Variants in PRKG1 observed in about 807,000 individuals in gnomAD.
The protein encoded by PRKG1 is protein kinase cGMP-dependent 1.
A neutral mutation model predicts 88.1 loss-of-function variants in PRKG1; 35 were observed. That is an observed-to-expected ratio of 0.40 (90% confidence interval 0.30 to 0.53). The LOEUF is 0.53. PRKG1 is among the 20% of genes least tolerant of loss of function. PRKG1 has a pLI of 0.59. For synonymous variants in PRKG1, 303 were observed against 292.5 expected, an observed-to-expected ratio of 1.04 and a Z score of -0.37; for missense variants, 540 against 839.8, an observed-to-expected ratio of 0.64 and a Z score of 4.41.
At chr10:51,034,476 C>A (rs1454091214) in intron 1 of PRKG1, among the ~76,000 whole-genome samples, 10 of 151,564 alleles carry the variant, frequency 6.6e-5, no homozygotes, top group African/African-American at 2.2e-4. Context: ...TTAATTTTTA[C>A]AGTCTTTCAA....
At chr10:51,219,779 G>A (rs1266521108) in intron 2 of PRKG1, among the ~76,000 whole-genome samples, 2 of 152,010 alleles carry the variant, frequency 1.3e-5, no homozygotes, top group Non-Finnish European at 2.9e-5. Context: ...CAAATAGAGA[G>A]GAAGTGAAGG....
chr10:52,294,150 T>A lies in PRKG1; in HGVS notation c.*250T>A. On this transcript the variant is annotated 3_prime_UTR_variant, in exon 18 of 18. Transcript: ENST00000373980. ...GTCCTGAAGCAAAGCCTTTCACCAGTAAAAGATGTTTTCTATTGTTGCAAT... is the reference window on the plus strand; with the variant it reads ...GTCCTGAAGCAAAGCCTTTCACCAGAAAAAGATGTTTTCTATTGTTGCAAT... 1 of 369,224 alleles carries A rather than the reference T, an allele frequency of 2.7e-6. No homozygotes were observed. Among genetic ancestry groups the A allele is most frequent in the Non-Finnish European group, 4.6e-6 (1 of 215,190 alleles). 22.9% of individuals were successfully genotyped at this position (369,224 alleles called of 1,614,324 possible).
In PRKG1 at chr10:52,282,431, C is replaced by T. The variant is rs1842022079; in HGVS notation, c.1709+115C>T. On this transcript the variant is annotated intron_variant, in intron 14 of 17. Transcript: ENST00000373980. ...AAGTACTTTTCACCATATCTTGGTA[C>T]CACAGTTTAATTAGTTATACAGATG... is the stretch of plus-strand genomic sequence containing the variant. 2.8e-6 allele frequency: 3 copies of T among 1,066,132 alleles called. No individual in the cohort carries two copies. The South Asian group carries it at 7.5e-5, about 27-fold the overall frequency. 66.0% of individuals were successfully genotyped at this position (1,066,132 alleles called of 1,614,324 possible).
chr10:51,310,327 T>G (rs893371322), intron 2 of PRKG1, among the ~76,000 whole-genome samples: 4 of 152,198 alleles, frequency 2.6e-5, no homozygotes, highest in Admixed American at 2.6e-4. Context: ...GCAAAGGAAA[T>G]TCAATACACA....
chr10:51,462,250 A>G (rs1839767190), intron 2 of PRKG1, among the ~76,000 whole-genome samples: 1 of 152,190 alleles, frequency 6.6e-6, no homozygotes, highest in Non-Finnish European at 1.5e-5. Context: ...TGAATGTTCC[A>G]ACCAAGATTT....
At chr10:51,733,505 C>T (rs1390989388) in intron 3 of PRKG1, among the ~76,000 whole-genome samples, 2 of 152,154 alleles carry the variant, frequency 1.3e-5, no homozygotes, top group Non-Finnish European at 2.9e-5. Flanking sequence ...TTATCTTACA[C>T]TTTGCTTTTT....
chr10:51,104,143 G>T (rs1048026031), intron 1 of PRKG1, among the ~76,000 whole-genome samples: 1 of 152,120 alleles, frequency 6.6e-6, no homozygotes, highest in Non-Finnish European at 1.5e-5. Context: ...TTCTTCTATA[G>T]TAGCAAGTAA....
At chr10:51,743,291 A>G (rs1348995777) in intron 3 of PRKG1, among the ~76,000 whole-genome samples, 1 of 152,126 alleles carries the variant, frequency 6.6e-6, no homozygotes, top group African/African-American at 2.4e-5. Flanking sequence ...TAGAATAGGC[A>G]GGAACCCAGA....
In PRKG1 at chr10:51,528,113, T is replaced by G. The variant is rs1470594910; in HGVS notation, c.592+60277T>G. ...CTAAGCTCATGGGAGCAAATGTCAT[T>G]ACGGAGAAGCTTTCAAAATCATCTA... On this transcript the variant is annotated intron_variant, in intron 3 of 17. Transcript: ENST00000373980. Among the ~76,000 whole-genome samples, 4 of 152,318 alleles carry G rather than the reference T, an allele frequency of 2.6e-5. No individual in the cohort carries two copies. In the East Asian group the frequency reaches 7.7e-4, roughly 29 times the overall value.
chr10:51,137,202 A>G (rs1330796318), intron 1 of PRKG1, among the ~76,000 whole-genome samples: 4 of 152,082 alleles, frequency 2.6e-5, no homozygotes, highest in Non-Finnish European at 5.9e-5. Context: ...TATTTCTTAA[A>G]GTGAATAGGA....
rs531317086 is a variant in PRKG1 at position 52,150,906 on chromosome 10, A to G, written c.1002-10983A>G. On this transcript the variant is annotated intron_variant, in intron 8 of 17. Coordinates refer to ENST00000373980, the MANE Select transcript of PRKG1 (RefSeq NM_006258.4). ...AGTTACTAAAAAGTGGATTGTTGTA[A>G]CTGATATCTACTATAATTGATATGT... Among the ~76,000 whole-genome samples, 19 of 152,286 alleles carry G rather than the reference A, an allele frequency of 1.2e-4. No individual in the cohort carries two copies. In the South Asian group the frequency reaches 3.9e-3, roughly 32 times the overall value.
chr10:50,995,925 A>C (rs1026729981), intron 1 of PRKG1, among the ~76,000 whole-genome samples: 2 of 152,230 alleles, frequency 1.3e-5, no homozygotes, highest in Non-Finnish European at 2.9e-5. Flanking sequence ...TGGATGCCCC[A>C]GAAAACTCAT....
intron 1 of PRKG1, among the ~76,000 whole-genome samples, chr10:51,127,871 C>T (rs1845470380): frequency 1.3e-5 from 2 of 152,122 alleles, no homozygotes. Context: ...GAAAACCAAA[C>T]ACCACATGTT....
intron 3 of PRKG1, among the ~76,000 whole-genome samples, chr10:51,617,543 T>C (rs1254652261): frequency 6.6e-6 from 1 of 152,150 alleles, no homozygotes; most frequent in African/African-American, 2.4e-5. Flanking sequence ...TGTTGTACCT[T>C]TTCTATGTTT....
chr10:51,351,374 A>G lies in PRKG1; in HGVS notation c.479-116349A>G, dbSNP rs536642991. Among the ~76,000 whole-genome samples, 14 of 152,320 alleles carry G rather than the reference A, an allele frequency of 9.2e-5. No homozygotes were observed. The East Asian group carries it at 2.5e-3, about 27-fold the overall frequency. ...GGTTGAACTAATTTACATTCTCACC[A>G]ACAGCGTAAAAGTGTTCCTATTTCT... On this transcript the variant is annotated intron_variant, in intron 2 of 17. Transcript: ENST00000373980.
chr10:51,211,931 A>G (rs1838232352), intron 2 of PRKG1, among the ~76,000 whole-genome samples: 1 of 152,228 alleles, frequency 6.6e-6, no homozygotes. Context: ...CCATCAAGCT[A>G]ACAATGACTT....
chr10:51,240,927 T>G (rs888526285), intron 2 of PRKG1, among the ~76,000 whole-genome samples: 11 of 152,242 alleles, frequency 7.2e-5, no homozygotes, highest in Admixed American at 2.0e-4. Context: ...TTCTAAAAGA[T>G]GGATTGAATG....
chr10:51,972,609 T>C (rs1175372955), intron 5 of PRKG1, among the ~76,000 whole-genome samples: 1 of 152,210 alleles, frequency 6.6e-6, no homozygotes, highest in Non-Finnish European at 1.5e-5. Context: ...TATTAAACAG[T>C]AGATTAATTG....
upstream of PRKG1, among the ~76,000 whole-genome samples, chr10:51,073,995 G>T (rs1843877946): frequency 6.6e-6 from 1 of 152,100 alleles, no homozygotes; most frequent in Non-Finnish European, 1.5e-5. Flanking sequence ...TACGTCGCTA[G>T]GATCGTAGCT....
Sources: allele counts gnomAD v4.1 joint callset (sites outside exome capture counted in the v4.1 genomes callset), GRCh38; gene constraint gnomAD v4.1.1; transcripts MANE v1.5; gene names NCBI Gene and HGNC (gene_info 2026-07-23, HGNC 2026-07-21).